DSCAM: variants seen among roughly 807,000 people sequenced by gnomAD.
DSCAM encodes the protein cell adhesion molecule DSCAM.
DSCAM carries 47 observed loss-of-function variants against 217.7 expected under a neutral mutation model. That is an observed-to-expected ratio of 0.22 (90% confidence interval 0.17 to 0.28). The LOEUF is 0.28. DSCAM is among the 10% of genes least tolerant of loss of function. DSCAM has a pLI of 1.00. For synonymous variants in DSCAM, 1,056 were observed against 1,015.3 expected (o/e 1.04, Z -0.76); for missense variants, 2,080 against 2,618.3 (o/e 0.79, Z 4.49).
chr21:40,722,975 C>T (rs1417565368), intron 1 of DSCAM, among the ~76,000 whole-genome samples: 1 of 151,918 alleles, frequency 6.6e-6, no homozygotes, highest in African/African-American at 2.4e-5. Context: ...CATAACAATC[C>T]TAAATGTCTA....
At chr21:40,712,356 G>A (rs970821551) in intron 1 of DSCAM, among the ~76,000 whole-genome samples, 5 of 151,548 alleles carry the variant, frequency 3.3e-5, no homozygotes, top group East Asian at 1.9e-4. Context: ...CCAGCTACTC[G>A]GGAGGCTGAG....
At chr21:40,309,667 A>G (rs916062407) in intron 9 of DSCAM, among the ~76,000 whole-genome samples, 1 of 152,200 alleles carries the variant, frequency 6.6e-6, no homozygotes, top group Non-Finnish European at 1.5e-5. Context: ...TAGGCAAAGC[A>G]TGATTCCACT....
chr21:40,760,902 C>T (rs2210271), intron 1 of DSCAM, among the ~76,000 whole-genome samples: 1,661 of 152,134 alleles, frequency 0.011, 16 homozygotes, highest in Non-Finnish European at 0.016. Context: ...AGAATCAACA[C>T]GATCAGTCCC....
chr21:40,741,549 T>A (rs942160619), intron 1 of DSCAM, among the ~76,000 whole-genome samples: 2 of 150,252 alleles, frequency 1.3e-5, no homozygotes, highest in Non-Finnish European at 3.0e-5. Context: ...GCCCCCAAAC[T>A]CAGAGTGACA....
At position 40,637,598 on chromosome 21, in the gene DSCAM, TATATATAAATATATATAAATATATAC is replaced by T. The variant is rs2089814895; in HGVS notation, c.508+55186_508+55211del. 4.0e-5 allele frequency among the ~76,000 whole-genome samples: 2 copies of T among 49,660 alleles called. 1 individual carries two copies. The highest frequency in any genetic ancestry group is 8.6e-4 in the Admixed American group (2 of 2,338). The allele number at this position is 49,660 out of a possible 152,430, so 32.6% of individuals were successfully genotyped here. On this transcript the variant is annotated intron_variant, in intron 3 of 32. Coordinates refer to ENST00000400454, the MANE Select transcript of DSCAM (RefSeq NM_001389.5). ...ATATAAATATATACATATATAAATA[TATATATAAATATATATAAATATATAC>T]ATATATAAATATATATAAATATATA...
intron 3 of DSCAM, among the ~76,000 whole-genome samples, chr21:40,692,477 T>C (rs1017649606): frequency 1.3e-5 from 2 of 152,208 alleles, no homozygotes; most frequent in Non-Finnish European, 2.9e-5. Context: ...TATGCAATGC[T>C]GAGGTCTCTC....
intron 23 of DSCAM, among the ~76,000 whole-genome samples, chr21:40,084,501 AACACACACACACACACACACAC>A (rs145863686): frequency 0.038 from 5,300 of 137,774 alleles, 123 homozygotes; most frequent in Middle Eastern, 0.096. Flanking sequence ...TCCAAGATGC[AACACACACACACACACACACAC>A]ACACACACAC....
chr21:40,652,113 T>G (rs1302042732), intron 3 of DSCAM, among the ~76,000 whole-genome samples: 3 of 143,346 alleles, frequency 2.1e-5, no homozygotes. Context: ...TGAGAACACA[T>G]GGACACATGG....
At chr21:40,231,101 T>A (rs1488683549) in intron 11 of DSCAM, among the ~76,000 whole-genome samples, 1 of 151,266 alleles carries the variant, frequency 6.6e-6, no homozygotes, top group African/African-American at 2.4e-5. Flanking sequence ...GAGACAAAAT[T>A]TCAGAATGTG....
intron 22 of DSCAM, 107 bp downstream of exon 22, chr21:40,087,063 A>T: frequency 1.2e-6 from 1 of 825,094 alleles, no homozygotes; most frequent in East Asian, 2.5e-5. Context: ...TTGAGTTTTC[A>T]CTAATATAAA....
At chr21:40,824,348 T>C (rs1039905971) in intron 1 of DSCAM, among the ~76,000 whole-genome samples, 1 of 151,914 alleles carries the variant, frequency 6.6e-6, no homozygotes, top group Non-Finnish European at 1.5e-5. Flanking sequence ...CAATTCCATC[T>C]AAATTTGAAT....
At chr21:40,038,027 T>C (rs1185931803) in intron 32 of DSCAM, among the ~76,000 whole-genome samples, 1 of 149,132 alleles carries the variant, frequency 6.7e-6, no homozygotes, top group East Asian at 2.0e-4. Flanking sequence ...CAAGATGGAT[T>C]AAAGACTTAA....
intron 11 of DSCAM, among the ~76,000 whole-genome samples, chr21:40,244,400 C>G (rs1447994679): frequency 6.7e-6 from 1 of 149,648 alleles, no homozygotes; most frequent in Non-Finnish European, 1.5e-5. Context: ...TCAGTGAGCC[C>G]AGATTGTGCC....
chr21:40,745,098 T>C (rs1202506302), intron 1 of DSCAM, among the ~76,000 whole-genome samples: 1 of 151,882 alleles, frequency 6.6e-6, no homozygotes, highest in Non-Finnish European at 1.5e-5. Context: ...ACATATAAAA[T>C]TACCCAATCA....
intron 11 of DSCAM, among the ~76,000 whole-genome samples, chr21:40,253,739 C>T (rs1244448067): frequency 2.6e-5 from 4 of 152,242 alleles, no homozygotes; most frequent in Non-Finnish European, 1.5e-5. Context: ...TATGGGTACG[C>T]CCGGAGGGCG....
At chr21:40,623,119 G>C (rs73905011) in intron 3 of DSCAM, among the ~76,000 whole-genome samples, 1 of 152,048 alleles carries the variant, frequency 6.6e-6, no homozygotes, top group Non-Finnish European at 1.5e-5. Flanking sequence ...TGTGAGATGT[G>C]TTTACTCGTT....
At chr21:40,701,472 TTA>T (rs1468346371) in intron 2 of DSCAM, among the ~76,000 whole-genome samples, 1 of 152,142 alleles carries the variant, frequency 6.6e-6, no homozygotes, top group African/African-American at 2.4e-5. Context: ...GCTTATAGTT[TTA>T]GTTTTATCCT....
chr21:40,514,725 G>A (rs947193553), intron 3 of DSCAM, among the ~76,000 whole-genome samples: 6 of 151,956 alleles, frequency 3.9e-5, no homozygotes, highest in African/African-American at 1.5e-4. Flanking sequence ...CCTTATTTTC[G>A]CTCTTATACT....
chr21:40,562,737 GC>G (rs2076730243), intron 3 of DSCAM, among the ~76,000 whole-genome samples: 1 of 152,146 alleles, frequency 6.6e-6, no homozygotes, highest in Non-Finnish European at 1.5e-5. Flanking sequence ...GAAAGCCAAA[GC>G]CCTGTATTTC....
Sources: allele counts gnomAD v4.1 joint callset (sites outside exome capture counted in the v4.1 genomes callset), GRCh38; gene constraint gnomAD v4.1.1; transcripts MANE v1.5; gene names NCBI Gene and HGNC (gene_info 2026-07-23, HGNC 2026-07-21).